The following KIF11 variants were observed in gnomAD, a reference collection of about 807,000 sequenced individuals.
KIF11 encodes the protein kinesin-like protein KIF11.
KIF11 carries 9 observed loss-of-function variants against 121.0 expected under a neutral mutation model. That is an observed-to-expected ratio of 0.07 (90% confidence interval 0.04 to 0.13). KIF11 has a LOEUF of 0.13. KIF11 is among the 10% of genes least tolerant of loss of function. The probability of loss-of-function intolerance (pLI) is 1.00; values close to 1 mark genes in which losing one functional copy is unlikely to be tolerated. For missense variants in KIF11, 846 were observed against 1,217.5 expected (o/e 0.69, Z 4.54); for synonymous variants, 408 against 421.0 (o/e 0.97, Z 0.38).
At chr10:92,606,768 T>G (rs1386488964) in intron 3 of KIF11, 52 bp downstream of exon 3, 1 of 936,028 alleles carries the variant, frequency 1.1e-6, no homozygotes, top group Non-Finnish European at 1.8e-6. Flanking sequence ...AATGCTTGTG[T>G]TTTTTGTTGT....
intron 8 of KIF11, among the ~76,000 whole-genome samples, chr10:92,614,464 A>G (rs1844532281): frequency 6.6e-6 from 1 of 152,118 alleles, no homozygotes. Flanking sequence ...ACAGGAGGAC[A>G]CTCCTGAAGA....
chr10:92,593,508 A>T, intron 1 of KIF11, 56 bp downstream of exon 1: 1 of 1,491,958 alleles, frequency 6.7e-7, no homozygotes, highest in South Asian at 1.2e-5. Flanking sequence ...TGGGCCCCCT[A>T]CTGCGCGGTC....
At chr10:92,599,290 C>A (rs1844338736) in intron 1 of KIF11, among the ~76,000 whole-genome samples, 1 of 151,678 alleles carries the variant, frequency 6.6e-6, no homozygotes, top group East Asian at 2.0e-4. Context: ...GCAAGGTGGG[C>A]CTCCCAACTC....
Position 92,613,257 on chromosome 10 carries a change from GTTAA to G in KIF11, c.790-116_790-113del. On this transcript the variant is annotated intron_variant, in intron 7 of 21. Coordinates refer to ENST00000260731, the MANE Select transcript of KIF11 (RefSeq NM_004523.4). This position sits in a 1 kb window ranked among gnomAD's most constrained non-coding sequence, Gnocchi z 4.2. Reference sequence around the variant, plus strand: ...AGCTTTGTAGTGGGAGAAGAAATTTGTTAATTACAGAAAAAATTATTTTGCTGGC... The same window carrying G: ...AGCTTTGTAGTGGGAGAAGAAATTTGTTACAGAAAAAATTATTTTGCTGGC... 9.3e-7 allele frequency: 1 copy of G among 1,080,512 alleles called. No individual in the cohort carries two copies. The highest frequency in any genetic ancestry group is 2.8e-5 in the Admixed American group (1 of 35,664). 66.9% of individuals were successfully genotyped at this position (1,080,512 alleles called of 1,614,324 possible).
At chr10:92,625,602 G>A (rs1268502609) in intron 10 of KIF11, among the ~76,000 whole-genome samples, 5 of 151,962 alleles carry the variant, frequency 3.3e-5, no homozygotes, top group Non-Finnish European at 5.9e-5. Flanking sequence ...GCCCACCTCC[G>A]CCTCCCAAAC....
At chr10:92,602,847 T>TGC (rs1554859046) in intron 1 of KIF11, among the ~76,000 whole-genome samples, 1 of 149,866 alleles carries the variant, frequency 6.7e-6, no homozygotes, top group Non-Finnish European at 1.5e-5. Flanking sequence ...TGTGTGTGTG[T>TGC]GTGTGTGTGG....
intron 1 of KIF11, among the ~76,000 whole-genome samples, chr10:92,605,015 T>TA (rs370109101): frequency 1.2e-4 from 18 of 147,576 alleles, no homozygotes; most frequent in East Asian, 2.0e-4. Flanking sequence ...GGTAACACAT[T>TA]AAAAAAAAAA....
intron 17 of KIF11, among the ~76,000 whole-genome samples, chr10:92,644,426 C>T (rs1178448893): frequency 6.6e-6 from 1 of 152,086 alleles, no homozygotes; most frequent in Non-Finnish European, 1.5e-5. Context: ...ACCAATTCTC[C>T]TGCCTCACTC....
intron 10 of KIF11, 40 bp downstream of exon 10, chr10:92,621,513 A>G (rs756774701): frequency 9.9e-6 from 12 of 1,214,022 alleles, no homozygotes; most frequent in Non-Finnish European, 1.5e-5. Flanking sequence ...AAGAATAAGC[A>G]TTTCTGATAA....
In KIF11 at chr10:92,654,107, C is replaced by T. The variant is rs942497720; in HGVS notation, c.*311C>T. 11 of 214,404 alleles carry T rather than the reference C, an allele frequency of 5.1e-5. No individual in the cohort carries two copies. Among genetic ancestry groups the T allele is most frequent in the African/African-American group, 1.8e-4 (8 of 43,872 alleles). 13.3% of individuals were successfully genotyped at this position (214,404 alleles called of 1,614,324 possible). On this transcript the variant is annotated 3_prime_UTR_variant, in exon 22 of 22. Coordinates refer to ENST00000260731, the MANE Select transcript of KIF11 (RefSeq NM_004523.4). Reference sequence around the variant, plus strand: ...ACGAGAATCACTTGAACCCAGGAAGCGGGGTTGCAGTGAGCCAAAGGTACA... The same window carrying T: ...ACGAGAATCACTTGAACCCAGGAAGTGGGGTTGCAGTGAGCCAAAGGTACA...
At position 92,630,974 on chromosome 10, in the gene KIF11, T is replaced by C. The variant is rs139104127; in HGVS notation, c.1494+610T>C. Among the ~76,000 whole-genome samples the C allele has an allele frequency of 5.3e-3, 801 of 151,614 alleles. 4 individuals carry two copies. Among genetic ancestry groups the C allele is most frequent in the Non-Finnish European group, 7.7e-3 (521 of 67,864 alleles). On this transcript the variant is annotated intron_variant, in intron 12 of 21. Coordinates refer to ENST00000260731, the MANE Select transcript of KIF11 (RefSeq NM_004523.4). ...TTTTCTTTGTGGGGATGATTGAACC[T>C]AATTAGTCATTAAGAATTTAGTATG...
At chr10:92,603,567 G>A (rs1447666016) in intron 1 of KIF11, among the ~76,000 whole-genome samples, 12 of 152,234 alleles carry the variant, frequency 7.9e-5, no homozygotes, top group African/African-American at 2.9e-4. Flanking sequence ...GCCAGGGCTA[G>A]TTTCGAACTT....
At chr10:92,606,788 GT>G (rs1844435282) in intron 3 of KIF11, 72 bp downstream of exon 3, 2 of 873,232 alleles carry the variant, frequency 2.3e-6, no homozygotes, top group Admixed American at 1.9e-5. Context: ...TTGTTTGTTT[GT>G]TTTTTGAGAC....
chr10:92,599,818 A>G (rs1844346683), intron 1 of KIF11, among the ~76,000 whole-genome samples: 1 of 149,014 alleles, frequency 6.7e-6, no homozygotes, highest in East Asian at 2.0e-4. Flanking sequence ...ACGCCCAGCT[A>G]ATTTTTGTAT....
rs561902170 is a variant in KIF11 at position 92,648,201 on chromosome 10, A to G, written c.2548-11A>G. The G allele has an allele frequency of 2.6e-6, 4 of 1,517,688 alleles. No homozygotes were observed. The highest frequency in any genetic ancestry group is 2.3e-5 in the East Asian group (1 of 43,648). The allele number at this position is 1,517,688 out of a possible 1,614,324, so 94.0% of individuals were successfully genotyped here. ...ATTTTAGTAATAAATATTTATTTGC[A>G]TCATTTACAGGTTGTAAGCCAATGT... On this transcript the variant is annotated splice_polypyrimidine_tract_variant and intron_variant, in intron 18 of 21. Coordinates refer to ENST00000260731, the MANE Select transcript of KIF11 (RefSeq NM_004523.4).
In KIF11 at chr10:92,593,346, C is replaced by T. The variant is rs1441196916; in HGVS notation, c.-30C>T. On this transcript the variant is annotated 5_prime_UTR_variant, in exon 1 of 22. Transcript: ENST00000260731. Reference sequence around the variant, plus strand: ...CCCCTCACAGCGCCCAGGTCCGCGGCCGGGCCTTGATTTTTTGGCGGGGAC... The same window carrying T: ...CCCCTCACAGCGCCCAGGTCCGCGGTCGGGCCTTGATTTTTTGGCGGGGAC... 1.3e-6 allele frequency: 2 copies of T among 1,590,958 alleles called. No homozygotes were observed. The highest frequency in any genetic ancestry group is 1.3e-5 in the African/African-American group (1 of 74,814).
intron 1 of KIF11, among the ~76,000 whole-genome samples, chr10:92,603,239 C>T (rs1844392882): frequency 6.7e-6 from 1 of 149,484 alleles, no homozygotes; most frequent in Non-Finnish European, 1.5e-5. Flanking sequence ...TTCCTATCCC[C>T]CTTAAACTGC....
At chr10:92,625,904 A>T (rs965838704) in intron 10 of KIF11, among the ~76,000 whole-genome samples, 2 of 152,210 alleles carry the variant, frequency 1.3e-5, no homozygotes, top group African/African-American at 4.8e-5. Flanking sequence ...AGAATTATAA[A>T]ACACTGCTGA....
chr10:92,593,506 C>T (rs1844255792), intron 1 of KIF11, 54 bp downstream of exon 1: 1 of 1,501,088 alleles, frequency 6.7e-7, no homozygotes, highest in Non-Finnish European at 9.1e-7. Flanking sequence ...GCTGGGCCCC[C>T]TACTGCGCGG....
Sources: allele counts gnomAD v4.1 joint callset (sites outside exome capture counted in the v4.1 genomes callset), GRCh38; gene constraint gnomAD v4.1.1; non-coding constraint Gnocchi (gnomAD v3.1); transcripts MANE v1.5; gene names NCBI Gene and HGNC (gene_info 2026-07-23, HGNC 2026-07-21).